The following SPIN2B variants were observed in gnomAD, a reference collection of about 807,000 sequenced individuals.
The protein encoded by SPIN2B is spindlin-2B.
SPIN2B carries 1 observed loss-of-function variant against 9.3 expected under a neutral mutation model. That is an observed-to-expected ratio of 0.11 (90% CI 0.04 to 0.51). The LOEUF (loss-of-function observed/expected upper bound fraction) is 0.51, where lower values mean the gene tolerates loss of function less well. Among genes scored for constraint, SPIN2B ranks in the 20% least tolerant of loss-of-function variants. SPIN2B has a pLI of 0.94. For missense variants in SPIN2B, 32 were observed against 174.0 expected, an observed-to-expected ratio of 0.18 and a Z score of 4.59; for synonymous variants, 15 against 63.4, an observed-to-expected ratio of 0.24 and a Z score of 3.63.
At chrX:57,120,983 G>A (rs1927102997) in intron 1 of SPIN2B, 1 of 717,889 alleles carries the variant, frequency 1.4e-6, no homozygotes. Context: ...GGCACCCACT[G>A]CCCTCCTTCC....
intron 1 of SPIN2B, chrX:57,120,971 C>T (rs890771494): frequency 2.9e-6 from 2 of 693,467 alleles, no homozygotes; most frequent in Admixed American, 1.8e-4. Context: ...GAGGCCTTGA[C>T]CGGCACCCAC....
In SPIN2B at chrX:57,121,404, T is replaced by A; in HGVS notation, c.-169A>T. On this transcript the variant is annotated 5_prime_UTR_variant, in exon 1 of 2. It removes the in-frame stop codon of an upstream open reading frame in the 5' UTR. Transcript: ENST00000434397. ...AGGATCCGTAGATGAGGAGCGTGTC[T>A]AGGAGGGCGGCGAGACAGGCAAAGA... is the stretch of plus-strand genomic sequence containing the variant. 3 of 582,444 alleles carry A rather than the reference T, an allele frequency of 5.2e-6. No homozygotes were observed. The highest frequency in any genetic ancestry group is 4.1e-6 in the Non-Finnish European group (2 of 482,266). 48.0% of individuals were successfully genotyped at this position (582,444 alleles called of 1,213,427 possible).
rs1323470925 is a variant in SPIN2B at position 57,119,697 on chromosome X, T to A, written c.*156A>T. On this transcript the variant is annotated 3_prime_UTR_variant, in exon 2 of 2. Coordinates refer to ENST00000434397, the MANE Select transcript of SPIN2B (RefSeq NM_001006681.2). ...ACACAGCATGTCATGTACACACAAG[T>A]TTGTATTTTTTAGAGCAAAACAACA... 2.8e-6 allele frequency: 3 copies of A among 1,057,859 alleles called. No homozygotes were observed. The highest frequency in any genetic ancestry group is 6.6e-5 in the East Asian group (2 of 30,301). 87.2% of individuals were successfully genotyped at this position (1,057,859 alleles called of 1,213,427 possible).
chrX:57,121,070 C>T, intron 1 of SPIN2B, 168 bp downstream of exon 1: 2 of 754,480 alleles, frequency 2.7e-6, no homozygotes, highest in Non-Finnish European at 3.1e-6. Flanking sequence ...CCCTTGCTTC[C>T]CGGCGCTCAC....
chrX:57,121,486 G>T lies in SPIN2B; in HGVS notation c.-251C>A. On this transcript the variant is annotated 5_prime_UTR_variant, in exon 1 of 2. Transcript: ENST00000434397. The stretch of plus-strand genomic sequence containing the variant: ...GCTAGCCCTCCGCCTCCCTGCTGGC[G>T]GTGGCGGCCCCTCAGCCACATCGGG... The T allele has an allele frequency of 5.8e-6, 1 of 172,844 alleles. No homozygotes were observed. The highest frequency in any genetic ancestry group is 9.3e-6 in the Non-Finnish European group (1 of 107,541). The allele number at this position is 172,844 out of a possible 1,213,427, so 14.2% of individuals were successfully genotyped here.
At position 57,121,395 on chromosome X, in the gene SPIN2B, G is replaced by T. The variant is rs754237200; in HGVS notation, c.-160C>A. On this transcript the variant is annotated 5_prime_UTR_variant, in exon 1 of 2. Coordinates refer to ENST00000434397, the MANE Select transcript of SPIN2B (RefSeq NM_001006681.2). ...GGGGAGGGTAGGATCCGTAGATGAG[G>T]AGCGTGTCTAGGAGGGCGGCGAGAC... 2 of 623,486 alleles carry T rather than the reference G, an allele frequency of 3.2e-6. No individual in the cohort carries two copies. Among genetic ancestry groups the T allele is most frequent in the South Asian group, 1.7e-4 (2 of 12,043 alleles). 51.4% of individuals were successfully genotyped at this position (623,486 alleles called of 1,213,427 possible). A position where few individuals can be genotyped will look rare whatever the true frequency, so the allele number is the denominator to read the frequency against.
intron 1 of SPIN2B, chrX:57,121,025 C>A (rs1927112952): frequency 1.3e-6 from 1 of 752,553 alleles, no homozygotes; most frequent in African/African-American, 2.3e-5. Context: ...CACAACACCC[C>A]CTGCCTACCC....
At chrX:57,120,942 C>G (rs1255619774) in intron 1 of SPIN2B, 1 of 614,374 alleles carries the variant, frequency 1.6e-6, no homozygotes, top group Non-Finnish European at 1.9e-6. Flanking sequence ...CTGGCGTCCA[C>G]TTCCAATCCC....
Position 57,120,498 on chromosome X carries a change from C to T in SPIN2B, c.132G>A (p.Gln44=), listed in dbSNP as rs200446826. The T allele has an allele frequency of 7.3e-4, 466 of 635,168 alleles. No homozygotes were observed. Among genetic ancestry groups the T allele is most frequent in the South Asian group, 5.3e-3 (179 of 33,893 alleles). 52.3% of individuals were successfully genotyped at this position (635,168 alleles called of 1,213,427 possible). A position where few individuals can be genotyped will look rare whatever the true frequency, so the allele number is the denominator to read the frequency against. Reference sequence around the variant, plus strand: ...TGCAGCCCACGATGTTCCTGCGGGGCTGGGATGAAGGTCGGCCTCTCTGCT... The same window carrying T: ...TGCAGCCCACGATGTTCCTGCGGGGTTGGGATGAAGGTCGGCCTCTCTGCT... The part of the protein sequence containing the change: ...QKKQRGRPSS[Q]PRRNIVGCRI... The change falls in exon 2 of 2, where the codon CAG becomes CAA. Residue 44 remains glutamine, a synonymous_variant. Transcript: ENST00000434397.
rs1276003991 is a variant in SPIN2B, at chrX:57,121,357, T to C, written c.-122A>G. 1.4e-6 allele frequency: 1 copy of C among 709,659 alleles called. No homozygotes were observed. The highest frequency in any genetic ancestry group is 1.7e-6 in the Non-Finnish European group (1 of 598,820). 58.5% of individuals were successfully genotyped at this position (709,659 alleles called of 1,213,427 possible). ...GTCAGCAGGCGACCGGCCGAGTGAA[T>C]GCTTGCAAGAGCGGGGAGGGTAGGA... On this transcript the variant is annotated 5_prime_UTR_variant, in exon 1 of 2. Coordinates refer to ENST00000434397, the MANE Select transcript of SPIN2B (RefSeq NM_001006681.2).
chrX:57,120,210 C>T lies in SPIN2B; in HGVS notation c.420G>A (p.Glu140=). 1.7e-6 allele frequency: 2 copies of T among 1,210,946 alleles called. No homozygotes were observed. The highest frequency in any genetic ancestry group is 1.1e-6 in the Non-Finnish European group (1 of 895,209). Residue 140 remains glutamate (E), a synonymous_variant, in exon 2 of 2, where the codon GAG becomes GAA. Transcript: ENST00000434397. ...CCCTCCATTCATCCTTAGAACCATG[C>T]TCTCCCTCAAACATATGTTCCACTG... The part of the protein sequence containing the change: ...GKAVEHMFEG[E]HGSKDEWRGM...
In SPIN2B at chrX:57,121,331, G is replaced by A. The variant is rs1927172200; in HGVS notation, c.-96C>T. 2.0e-5 allele frequency: 15 copies of A among 745,671 alleles called. No individual in the cohort carries two copies. The highest frequency in any genetic ancestry group is 2.4e-5 in the Non-Finnish European group (15 of 631,043). The allele number at this position is 745,671 out of a possible 1,213,427, so 61.5% of individuals were successfully genotyped here. On this transcript the variant is annotated 5_prime_UTR_variant, in exon 1 of 2. Transcript: ENST00000434397. ...CCGCTACGAGCCTGTGGCGAAGGAG[G>A]GTCAGCAGGCGACCGGCCGAGTGAA...
Position 57,119,898 on chromosome X carries a change from A to T in SPIN2B, c.732T>A (p.Asp244Glu). The change falls in exon 2 of 2, where the codon GAT becomes GAA. Residue 244 changes from aspartate to glutamate, a missense_variant. Physicochemically the swap from Asp to Glu is conservative, Grantham distance 45. Transcript: ENST00000434397. ...CGTAGACATAGATATGGAAATCATC[A>T]TCAAACTTGATGAAATACACAGAGG... is the stretch of plus-strand genomic sequence containing the variant. Reference protein sequence around the residue: ...AKPSVYFIKFDDDFHIYVYDL... With the variant: ...AKPSVYFIKFEDDFHIYVYDL... 8.3e-7 allele frequency: 1 copy of T among 1,211,930 alleles called. No homozygotes were observed. The highest frequency in any genetic ancestry group is 1.1e-6 in the Non-Finnish European group (1 of 895,624).
intron 1 of SPIN2B, among the ~76,000 whole-genome samples, 196 bp from the exon 2 acceptor site, chrX:57,120,827 G>T (rs1221557356): frequency 2.0e-5 from 2 of 101,366 alleles, no homozygotes; most frequent in East Asian, 6.4e-4. Context: ...GGGAAGGGCT[G>T]GGGTGGTGCA....
Position 57,121,489 on chromosome X carries a change from G to T in SPIN2B, c.-254C>A. On this transcript the variant is annotated 5_prime_UTR_variant, in exon 1 of 2. Transcript: ENST00000434397. ...AGCCCTCCGCCTCCCTGCTGGCGGT[G>T]GCGGCCCCTCAGCCACATCGGGATT... 6.0e-6 allele frequency: 1 copy of T among 166,580 alleles called. No homozygotes were observed. The highest frequency in any genetic ancestry group is 9.8e-6 in the Non-Finnish European group (1 of 101,809). 13.7% of individuals were successfully genotyped at this position (166,580 alleles called of 1,213,427 possible).
chrX:57,119,798 A>G lies in SPIN2B; in HGVS notation c.*55T>C, dbSNP rs1926957742. ...TACACTGAAAGGCAACATTTTTTGC[A>G]TGTCTACAAATTATACATTTGTTTC... On this transcript the variant is annotated 3_prime_UTR_variant, in exon 2 of 2. Coordinates refer to ENST00000434397, the MANE Select transcript of SPIN2B (RefSeq NM_001006681.2). 8.6e-7 allele frequency: 1 copy of G among 1,163,926 alleles called. No individual in the cohort carries two copies. The highest frequency in any genetic ancestry group is 1.1e-6 in the Non-Finnish European group (1 of 872,675).
Position 57,121,312 on chromosome X carries a change from C to G in SPIN2B, c.-77G>C, listed in dbSNP as rs764340919. 3 of 755,854 alleles carry G rather than the reference C, an allele frequency of 4.0e-6. No homozygotes were observed. The highest frequency in any genetic ancestry group is 2.3e-5 in the African/African-American group (1 of 43,389). The allele number at this position is 755,854 out of a possible 1,213,427, so 62.3% of individuals were successfully genotyped here. A position where few individuals can be genotyped will look rare whatever the true frequency, so the allele number is the denominator to read the frequency against. On this transcript the variant is annotated 5_prime_UTR_variant, in exon 1 of 2. Coordinates refer to ENST00000434397, the MANE Select transcript of SPIN2B (RefSeq NM_001006681.2). ...GGACACCTCGCTGCTGCCTCCGCTA[C>G]GAGCCTGTGGCGAAGGAGGGTCAGC...
Position 57,121,441 on chromosome X carries a change from G to A in SPIN2B, c.-206C>T. 1 of 370,567 alleles carries A rather than the reference G, an allele frequency of 2.7e-6. No homozygotes were observed. The highest frequency in any genetic ancestry group is 3.5e-6 in the Non-Finnish European group (1 of 288,325). 30.5% of individuals were successfully genotyped at this position (370,567 alleles called of 1,213,427 possible). ...GAGACAGGCAAAGAGGAAGGCAGCG[G>A]CGTCCCCACCGCTTGGCTCGCTAGC... On this transcript the variant is annotated 5_prime_UTR_variant, in exon 1 of 2. Coordinates refer to ENST00000434397, the MANE Select transcript of SPIN2B (RefSeq NM_001006681.2).
chrX:57,121,451 C>A lies in SPIN2B; in HGVS notation c.-216G>T. On this transcript the variant is annotated 5_prime_UTR_variant, in exon 1 of 2. Transcript: ENST00000434397. ...AAGAGGAAGGCAGCGGCGTCCCCAC[C>A]GCTTGGCTCGCTAGCCCTCCGCCTC... 2 of 301,275 alleles carry A rather than the reference C, an allele frequency of 6.6e-6. No homozygotes were observed. Among genetic ancestry groups the A allele is most frequent in the Non-Finnish European group, 8.9e-6 (2 of 225,068 alleles). 24.8% of individuals were successfully genotyped at this position (301,275 alleles called of 1,213,427 possible).
Sources: gnomAD v4.1 joint callset for allele counts (sites outside exome capture counted in the v4.1 genomes callset) on GRCh38, gnomAD v4.1.1 for gene constraint, MANE v1.5 for transcripts, NCBI Gene and HGNC (gene_info 2026-07-23, HGNC 2026-07-21) for gene names.